The following PDLIM5 variants were observed in gnomAD, a reference collection of about 807,000 sequenced individuals.
PDLIM5 encodes the protein PDZ and LIM domain 5.
PDLIM5 carries 34 observed loss-of-function variants against 64.2 expected under a neutral mutation model. The ratio of observed to expected loss-of-function variants is 0.53; its 90% CI spans 0.40 to 0.71. The LOEUF is 0.71. Ranked by LOEUF, PDLIM5 falls within the 30% of genes least tolerant of loss-of-function variation. The probability of loss-of-function intolerance (pLI) is 0.00; values close to 1 mark genes in which losing one functional copy is unlikely to be tolerated. For missense variants in PDLIM5, 683 were observed against 733.6 expected (o/e 0.93, Z 0.80); for synonymous variants, 253 against 269.1 (o/e 0.94, Z 0.59).
chr4:94,520,018 A>C (rs1214337247), intron 2 of PDLIM5, among the ~76,000 whole-genome samples: 1 of 152,158 alleles, frequency 6.6e-6, no homozygotes, highest in Admixed American at 6.6e-5. Context: ...TTTCGTACTG[A>C]AGTTAATGGG....
intron 9 of PDLIM5, among the ~76,000 whole-genome samples, chr4:94,651,265 C>T (rs541830365): frequency 6.6e-6 from 1 of 152,188 alleles, no homozygotes; most frequent in South Asian, 2.1e-4. Context: ...CAGTAGTTGC[C>T]CTGAGCATGC....
intron 11 of PDLIM5, among the ~76,000 whole-genome samples, chr4:94,661,907 A>C (rs1315889615): frequency 6.7e-6 from 1 of 149,124 alleles, no homozygotes; most frequent in African/African-American, 2.5e-5. Context: ...TGAAACCTCC[A>C]CCTCCCAGGT....
intron 3 of PDLIM5, among the ~76,000 whole-genome samples, chr4:94,542,782 C>T (rs1578341258): frequency 6.6e-6 from 1 of 151,978 alleles, no homozygotes; most frequent in African/African-American, 2.4e-5. Context: ...GCTACTTTTC[C>T]ATGGTTCCTG....
chr4:94,648,937 A>G (rs1312793871), intron 9 of PDLIM5, among the ~76,000 whole-genome samples: 2 of 151,784 alleles, frequency 1.3e-5, no homozygotes, highest in Non-Finnish European at 2.9e-5. Context: ...GATTAACAGT[A>G]TCCACTGATT....
intron 8 of PDLIM5, 147 bp from the exon 9 acceptor site, chr4:94,640,129 G>A (rs1740882918): frequency 6.9e-6 from 3 of 433,738 alleles, no homozygotes; most frequent in South Asian, 1.2e-4. Context: ...ACAGCCTAGT[G>A]TTTGATTCAT....
chr4:94,635,687 C>CT (rs72599824), intron 8 of PDLIM5, among the ~76,000 whole-genome samples: 4,028 of 152,216 alleles, frequency 0.026, 163 homozygotes, highest in East Asian at 0.15. Flanking sequence ...GGTGCTTCCC[C>CT]TGTCCCAAGA....
chr4:94,619,324 A>G (rs1739031112), intron 8 of PDLIM5, among the ~76,000 whole-genome samples: 1 of 148,410 alleles, frequency 6.7e-6, no homozygotes, highest in Non-Finnish European at 1.5e-5. Context: ...ATACCTCCAT[A>G]CTACAGCAAG....
In PDLIM5 at chr4:94,657,501, G is replaced by A. The variant is rs200822536; in HGVS notation, c.1539G>A (p.Arg513=). 9.3e-6 allele frequency: 15 copies of A among 1,610,538 alleles called. No homozygotes were observed. Among genetic ancestry groups the A allele is most frequent in the Middle Eastern group, 1.7e-4 (1 of 6,050 alleles). Reference sequence around the variant, plus strand: ...GTGTAGCCTGTGGAAAGCCCATTCGGAACAATGTTTTTCACTTGGAGGATG... The same window carrying A: ...GTGTAGCCTGTGGAAAGCCCATTCGAAACAATGTTTTTCACTTGGAGGATG... ...FVCVACGKPI[R]NNVFHLEDGE... is the part of the protein sequence containing the mutation. Residue 513 remains arginine, a synonymous_variant, in exon 11 of 13, where the codon CGG becomes CGA. Transcript: ENST00000317968.
chr4:94,654,934 C>A (rs1042816383), intron 10 of PDLIM5, among the ~76,000 whole-genome samples: 3 of 152,062 alleles, frequency 2.0e-5, no homozygotes, highest in Admixed American at 2.0e-4. Flanking sequence ...CAACAGGAGC[C>A]TGTTTGCTCA....
rs200644602 is a variant in PDLIM5, at chr4:94,456,001, CATG to C, written c.96+629_96+631del. ...TGTATATATTTTAAGGATATGTTTT[CATG>C]ATGATGATGATAGCACTGATGAGAG... is the stretch of plus-strand genomic sequence containing the variant. On this transcript the variant is annotated intron_variant, in intron 2 of 12. Coordinates refer to ENST00000317968, the MANE Select transcript of PDLIM5 (RefSeq NM_006457.5). The C allele has an allele frequency of 1.1e-3, 1,567 of 1,435,820 alleles. 15 individuals carry two copies. The African/African-American group carries it at 0.016, about 15-fold the overall frequency. The allele number at this position is 1,435,820 out of a possible 1,614,324, so 88.9% of individuals were successfully genotyped here. A position where few individuals can be genotyped will look rare whatever the true frequency, so the allele number is the denominator to read the frequency against.
chr4:94,625,627 G>A lies in PDLIM5; in HGVS notation c.1108+7436G>A, dbSNP rs532001783. Reference sequence around the variant, plus strand: ...GCCACCATGCCCGGCTAATGTTTTTGTATTTTTAGTAGAGACGGGGTTTCA... The same window carrying A: ...GCCACCATGCCCGGCTAATGTTTTTATATTTTTAGTAGAGACGGGGTTTCA... On this transcript the variant is annotated intron_variant, in intron 8 of 12. Transcript: ENST00000317968. 3.9e-5 allele frequency among the ~76,000 whole-genome samples: 6 copies of A among 152,072 alleles called. No homozygotes were observed. In the South Asian group the frequency reaches 6.2e-4, roughly 16 times the overall value.
Position 94,576,053 on chromosome 4 carries a change from TTCTGC to T in PDLIM5, c.710+23_710+27del, listed in dbSNP as rs1013916434. The T allele has an allele frequency of 6.3e-7, 1 of 1,593,434 alleles. No individual in the cohort carries two copies. ...AAAATGGGTAGGTGGCTAAGGTGCTTTCTGCTCTTACTAAAACTCTTCTTTCAGGT... is the reference window on the plus strand; with the variant it reads ...AAAATGGGTAGGTGGCTAAGGTGCTTTCTTACTAAAACTCTTCTTTCAGGT... On this transcript the variant is annotated intron_variant, in intron 5 of 12. Transcript: ENST00000317968.
intron 2 of PDLIM5, chr4:94,456,573 T>C: frequency 1.4e-6 from 1 of 711,658 alleles, no homozygotes; most frequent in South Asian, 1.5e-5. Flanking sequence ...TAAGGAGGTA[T>C]GTGTGTTTTT....
At chr4:94,499,366 C>T (rs1322394290) in intron 2 of PDLIM5, among the ~76,000 whole-genome samples, 1 of 151,856 alleles carries the variant, frequency 6.6e-6, no homozygotes, top group Admixed American at 6.6e-5. Flanking sequence ...GTCATATATT[C>T]ATAAGGTTCT....
intron 2 of PDLIM5, among the ~76,000 whole-genome samples, chr4:94,514,445 T>C (rs2110112625): frequency 6.6e-6 from 1 of 152,312 alleles, no homozygotes; most frequent in Non-Finnish European, 1.5e-5. Flanking sequence ...CGGTTTGCAG[T>C]ATTTTCTGGA....
Position 94,666,645 on chromosome 4 carries a change from T to G in PDLIM5, c.*2578T>G, listed in dbSNP as rs1264658536. ...TAGTATTTGATAAGTCAATGACATT[T>G]GGATGTTTTCTTCAAAGAATTTTAT... On this transcript the variant is annotated 3_prime_UTR_variant, in exon 13 of 13. Coordinates refer to ENST00000317968, the MANE Select transcript of PDLIM5 (RefSeq NM_006457.5). The G allele has an allele frequency of 2.0e-5, 3 of 152,592 alleles. No individual in the cohort carries two copies. The highest frequency in any genetic ancestry group is 3.2e-3 in the Middle Eastern group (1 of 316). The allele number at this position is 152,592 out of a possible 1,614,324, so 9.5% of individuals were successfully genotyped here. A position where few individuals can be genotyped will look rare whatever the true frequency, so the allele number is the denominator to read the frequency against.
At chr4:94,505,737 G>A (rs72876244) in intron 2 of PDLIM5, among the ~76,000 whole-genome samples, 1 of 152,292 alleles carries the variant, frequency 6.6e-6, no homozygotes, top group African/African-American at 2.4e-5. Flanking sequence ...AGCCAGATGG[G>A]AGAGATGCAC....
At chr4:94,546,366 A>G (rs1016336551) in intron 3 of PDLIM5, among the ~76,000 whole-genome samples, 5 of 152,114 alleles carry the variant, frequency 3.3e-5, no homozygotes, top group Non-Finnish European at 7.4e-5. Flanking sequence ...TTCTCTTCCA[A>G]GCGGAATAGT....
At chr4:94,489,489 T>G (rs1252958464) in intron 2 of PDLIM5, among the ~76,000 whole-genome samples, 1 of 152,242 alleles carries the variant, frequency 6.6e-6, no homozygotes, top group East Asian at 1.9e-4. Flanking sequence ...AATATGATCC[T>G]TACTAATTAG....
Sources: allele counts gnomAD v4.1 joint callset (sites outside exome capture counted in the v4.1 genomes callset), GRCh38; gene constraint gnomAD v4.1.1; transcripts MANE v1.5; gene names NCBI Gene and HGNC (gene_info 2026-07-23, HGNC 2026-07-21).